Variants in CTNNA3 observed in about 807,000 individuals in gnomAD.
CTNNA3 encodes catenin alpha 3.
A neutral mutation model predicts 95.7 loss-of-function variants in CTNNA3; 76 were observed. The ratio of observed to expected loss-of-function variants is 0.79; its 90% CI spans 0.66 to 0.96. The LOEUF is 0.96. Among genes scored for constraint, CTNNA3 ranks in the 40% least tolerant of loss-of-function variants. The probability of loss-of-function intolerance (pLI) is 0.00; values close to 1 mark genes in which losing one functional copy is unlikely to be tolerated. For missense variants in CTNNA3, 1,191 were observed against 1,089.8 expected (o/e 1.09, Z -1.31); for synonymous variants, 431 against 374.4 (o/e 1.15, Z -1.74).
At chr10:66,313,073 G>C (rs1312488583) in intron 12 of CTNNA3, among the ~76,000 whole-genome samples, 1 of 152,168 alleles carries the variant, frequency 6.6e-6, no homozygotes, top group Non-Finnish European at 1.5e-5. Flanking sequence ...AGAAGAGAGA[G>C]AGTGTATCTT....
At chr10:66,033,182 G>A (rs1393940797) in intron 15 of CTNNA3, among the ~76,000 whole-genome samples, 1 of 147,536 alleles carries the variant, frequency 6.8e-6, no homozygotes, top group Non-Finnish European at 1.5e-5. Flanking sequence ...CCAGGCTGGA[G>A]TGCAGTGGCG....
intron 7 of CTNNA3, among the ~76,000 whole-genome samples, chr10:67,082,025 A>G (rs1445345040): frequency 6.6e-6 from 1 of 152,232 alleles, no homozygotes. Flanking sequence ...ACAAAATAGG[A>G]GTACCTAGGC....
intron 10 of CTNNA3, among the ~76,000 whole-genome samples, chr10:66,543,911 GTATATATA>G (rs1198925758): frequency 2.5e-4 from 4 of 16,224 alleles, no homozygotes; most frequent in African/African-American, 6.1e-4. Context: ...GTGTGTGTGT[GTATATATA>G]TATATATATA....
intron 7 of CTNNA3, among the ~76,000 whole-genome samples, chr10:66,936,452 T>C (rs886622818): frequency 2.6e-5 from 4 of 152,166 alleles, no homozygotes; most frequent in African/African-American, 9.7e-5. Context: ...CTAATAGGTT[T>C]TCCTGGTGTT....
At chr10:66,070,770 A>G (rs1488119536) in intron 14 of CTNNA3, among the ~76,000 whole-genome samples, 3 of 152,146 alleles carry the variant, frequency 2.0e-5, no homozygotes, top group Non-Finnish European at 4.4e-5. Flanking sequence ...TCCACCTGCC[A>G]TGCAGGGAAC....
At position 67,148,580 on chromosome 10, in the gene CTNNA3, G is replaced by GA. The variant is rs1253591181; in HGVS notation, c.1047+31736dup. ...TGTCCTTACTGTAATTCCTTCTTCA[G>GA]AAAAATATCTTTAATACCCAATAAG... On this transcript the variant is annotated intron_variant, in intron 7 of 17. Transcript: ENST00000433211. 1.8e-4 allele frequency among the ~76,000 whole-genome samples: 27 copies of GA among 152,258 alleles called. 1 individual carries two copies. Among genetic ancestry groups the GA allele is most frequent in the Middle Eastern group, 3.4e-3 (1 of 294 alleles).
intron 13 of CTNNA3, among the ~76,000 whole-genome samples, chr10:66,108,009 G>A (rs1179519867): frequency 6.6e-6 from 1 of 151,834 alleles, no homozygotes; most frequent in Non-Finnish European, 1.5e-5. Context: ...TGTCAGGAGT[G>A]GTCTCGCACT....
At chr10:66,422,177 A>G (rs1374694141) in intron 11 of CTNNA3, among the ~76,000 whole-genome samples, 1 of 152,048 alleles carries the variant, frequency 6.6e-6, no homozygotes, top group African/African-American at 2.4e-5. Flanking sequence ...CATGTAAGTA[A>G]CTTATTCTGC....
intron 1 of CTNNA3, among the ~76,000 whole-genome samples, chr10:67,752,711 G>A (rs1462425712): frequency 6.6e-6 from 1 of 152,106 alleles, no homozygotes; most frequent in African/African-American, 2.4e-5. Context: ...AATCATGAAT[G>A]AACTCCCATT....
At chr10:66,667,932 G>A (rs747157144) in intron 9 of CTNNA3, among the ~76,000 whole-genome samples, 8 of 151,960 alleles carry the variant, frequency 5.3e-5, no homozygotes, top group Non-Finnish European at 1.2e-4. Context: ...CTCTTATAGT[G>A]CCCACAGCTG....
chr10:66,763,883 C>A (rs189074185), intron 9 of CTNNA3, among the ~76,000 whole-genome samples: 4 of 152,254 alleles, frequency 2.6e-5, no homozygotes, highest in Admixed American at 2.6e-4. Flanking sequence ...TTAGCATGTC[C>A]GGACTAGGCC....
intron 10 of CTNNA3, among the ~76,000 whole-genome samples, chr10:66,551,942 G>A (rs906330412): frequency 1.1e-4 from 14 of 129,374 alleles, no homozygotes; most frequent in Admixed American, 1.9e-4. Context: ...TCGCTCTGTC[G>A]CCCAGGCTGG....
rs12413408 is a variant in CTNNA3 at position 67,604,286 on chromosome 10, C to T, written c.292+2571G>A. On this transcript the variant is annotated intron_variant, in intron 3 of 17. Transcript: ENST00000433211. ...GCAACACGGAACATTCAAGAAACTGCGAGTTCCTGTTTGGAGGAACATATG... is the reference window on the plus strand; with the variant it reads ...GCAACACGGAACATTCAAGAAACTGTGAGTTCCTGTTTGGAGGAACATATG... Among the ~76,000 whole-genome samples, 994 of 152,190 alleles carry T rather than the reference C, an allele frequency of 6.5e-3. 6 individuals carry two copies. The highest frequency in any genetic ancestry group is 0.013 in the South Asian group (63 of 4,816).
chr10:65,971,471 C>A (rs2078101191), intron 16 of CTNNA3, among the ~76,000 whole-genome samples: 1 of 148,602 alleles, frequency 6.7e-6, no homozygotes, highest in Admixed American at 6.7e-5. Flanking sequence ...TAAGCACAGT[C>A]AGAAGTTATA....
At chr10:66,978,234 T>A (rs1460144850) in intron 7 of CTNNA3, among the ~76,000 whole-genome samples, 2 of 151,832 alleles carry the variant, frequency 1.3e-5, no homozygotes, top group Admixed American at 1.3e-4. Flanking sequence ...GTTAACAATA[T>A]TGTATTGTGG....
intron 13 of CTNNA3, among the ~76,000 whole-genome samples, chr10:66,147,353 G>A (rs2083941611): frequency 6.6e-6 from 1 of 151,992 alleles, no homozygotes; most frequent in East Asian, 1.9e-4. Context: ...TGTAACAAAA[G>A]TTGCAAAGAT....
chr10:66,950,955 T>C (rs1020031062), intron 7 of CTNNA3, among the ~76,000 whole-genome samples: 10 of 152,162 alleles, frequency 6.6e-5, no homozygotes, highest in African/African-American at 2.4e-4. Flanking sequence ...CTTGTCACTG[T>C]GCAGAAACTC....
chr10:66,318,389 C>T (rs1346335158), intron 12 of CTNNA3, among the ~76,000 whole-genome samples: 1 of 151,744 alleles, frequency 6.6e-6, no homozygotes, highest in African/African-American at 2.4e-5. Context: ...CAATAGTAAT[C>T]TCTCCACCTA....
intron 15 of CTNNA3, among the ~76,000 whole-genome samples, chr10:66,050,587 A>G (rs753206598): frequency 7.9e-5 from 12 of 152,110 alleles, no homozygotes; most frequent in Non-Finnish European, 1.3e-4. Flanking sequence ...TAGGGCCACT[A>G]TGTCCGGCTC....
Sources: gnomAD v4.1 joint callset for allele counts (sites outside exome capture counted in the v4.1 genomes callset) on GRCh38, gnomAD v4.1.1 for gene constraint, MANE v1.5 for transcripts, NCBI Gene and HGNC (gene_info 2026-07-23, HGNC 2026-07-21) for gene names.